The following FILIP1 variants were observed in gnomAD, a reference collection of about 807,000 sequenced individuals.
The protein encoded by FILIP1 is filamin-A-interacting protein 1.
In FILIP1, 61 loss-of-function variants were observed where a neutral mutation model predicts 102.1. The ratio of observed to expected loss-of-function variants is 0.60; its 90% CI spans 0.49 to 0.74. The LOEUF (loss-of-function observed/expected upper bound fraction) is 0.74. Ranked by LOEUF, FILIP1 falls within the 30% of genes least tolerant of loss-of-function variation. FILIP1 has a pLI of 0.00. For synonymous variants in FILIP1, 491 were observed against 526.9 expected, an observed-to-expected ratio of 0.93 and a Z score of 0.93; for missense variants, 1,314 against 1,441.2, an observed-to-expected ratio of 0.91 and a Z score of 1.43.
At chr6:75,384,367 A>C (rs1438004012) in intron 2 of FILIP1, among the ~76,000 whole-genome samples, 2 of 152,178 alleles carry the variant, frequency 1.3e-5, no homozygotes, top group Non-Finnish European at 2.9e-5. Context: ...AGATCTAGCT[A>C]CTTCTTCTCT....
downstream of FILIP1, among the ~76,000 whole-genome samples, chr6:75,306,467 C>T (rs2842458): frequency 0.4 from 61,374 of 151,976 alleles, 12,455 homozygotes; most frequent in East Asian, 0.55. Context: ...CACCCTCATT[C>T]GCTCAAATAC....
At chr6:75,434,723 T>C (rs1582500382) in intron 1 of FILIP1, among the ~76,000 whole-genome samples, 1 of 152,352 alleles carries the variant, frequency 6.6e-6, no homozygotes, top group Non-Finnish European at 1.5e-5. Context: ...TCCAACACTA[T>C]GTTGAATAGG....
chr6:75,407,060 A>G (rs1428097896), intron 2 of FILIP1, among the ~76,000 whole-genome samples: 1 of 152,212 alleles, frequency 6.6e-6, no homozygotes, highest in Non-Finnish European at 1.5e-5. Context: ...AGAAAGAAGC[A>G]CATATAGGAG....
chr6:75,490,030 C>T (rs576167727), intron 1 of FILIP1, among the ~76,000 whole-genome samples: 148 of 152,050 alleles, frequency 9.7e-4, no homozygotes, highest in African/African-American at 3.3e-3. Flanking sequence ...GTGGATTAAA[C>T]AAACTCTGTA....
At chr6:75,347,918 C>A (rs1341492416) in intron 4 of FILIP1, among the ~76,000 whole-genome samples, 3 of 152,178 alleles carry the variant, frequency 2.0e-5, no homozygotes, top group Non-Finnish European at 2.9e-5. Context: ...CTTTAAAAAA[C>A]TTAACTTACA....
At chr6:75,390,617 G>A (rs1164504600) in intron 2 of FILIP1, among the ~76,000 whole-genome samples, 1 of 152,084 alleles carries the variant, frequency 6.6e-6, no homozygotes, top group African/African-American at 2.4e-5. Flanking sequence ...TCACTATCAC[G>A]AGGACAGTAC....
chr6:75,455,846 C>T (rs937983393), intron 1 of FILIP1, among the ~76,000 whole-genome samples: 11 of 152,202 alleles, frequency 7.2e-5, no homozygotes, highest in Admixed American at 4.6e-4. Context: ...CTGCTGTGGG[C>T]ATAGGCAGAG....
intron 2 of FILIP1, among the ~76,000 whole-genome samples, chr6:75,372,670 A>G (rs1775574342): frequency 4.6e-5 from 3 of 65,350 alleles, no homozygotes; most frequent in Non-Finnish European, 8.8e-5. Flanking sequence ...AGAAAGAAAG[A>G]AAGAAAGAAA....
intron 4 of FILIP1, among the ~76,000 whole-genome samples, chr6:75,345,456 G>A (rs909328740): frequency 2.0e-5 from 3 of 151,878 alleles, no homozygotes; most frequent in East Asian, 1.9e-4. Context: ...AGATGTGCCC[G>A]TAGGAATATA....
At chr6:75,309,021 G>A (rs775097725) in intron 5 of FILIP1, 124 bp from the exon 6 acceptor site, 8 of 976,454 alleles carry the variant, frequency 8.2e-6, no homozygotes, top group Non-Finnish European at 1.0e-5. Context: ...CCCTTCCCCA[G>A]ATAAAATAAT....
chr6:75,305,174 C>T (rs966153623), downstream of FILIP1, among the ~76,000 whole-genome samples: 4 of 152,148 alleles, frequency 2.6e-5, no homozygotes, highest in Non-Finnish European at 5.9e-5. Flanking sequence ...CTTCCTGTTT[C>T]CTGGGAAATC....
At chr6:75,395,140 A>T (rs976622011) in intron 2 of FILIP1, among the ~76,000 whole-genome samples, 2 of 152,184 alleles carry the variant, frequency 1.3e-5, no homozygotes, top group South Asian at 2.1e-4. Context: ...TTTCAGTACA[A>T]TATATATATA....
At chr6:75,447,882 G>A (rs537758607) in intron 1 of FILIP1, among the ~76,000 whole-genome samples, 2 of 152,136 alleles carry the variant, frequency 1.3e-5, no homozygotes, top group East Asian at 1.9e-4. Context: ...ATTCTTTGAA[G>A]ATTGAGCCCT....
chr6:75,358,871 C>A (rs774210227), intron 3 of FILIP1, among the ~76,000 whole-genome samples: 9 of 151,494 alleles, frequency 5.9e-5, no homozygotes, highest in Non-Finnish European at 1.2e-4. Context: ...CACAGGCGCG[C>A]ACCACCACTC....
chr6:75,399,683 G>A (rs774639044), intron 2 of FILIP1, among the ~76,000 whole-genome samples: 9 of 152,064 alleles, frequency 5.9e-5, no homozygotes, highest in Non-Finnish European at 1.2e-4. Context: ...AACCCTCTGG[G>A]CTTCCGTTCA....
chr6:75,470,587 G>T (rs1035552706), intron 1 of FILIP1, among the ~76,000 whole-genome samples: 2 of 152,150 alleles, frequency 1.3e-5, no homozygotes, highest in African/African-American at 4.8e-5. Context: ...ATGTATGCCT[G>T]TATCTATAGA....
At position 75,420,907 on chromosome 6, in the gene FILIP1, C is replaced by T. The variant is rs145251154; in HGVS notation, c.-6-5929G>A. Reference sequence around the variant, plus strand: ...ATACCAATTGATAGACACCATTTGACGGTTTGAATTTATAACATTTTACAT... The same window carrying T: ...ATACCAATTGATAGACACCATTTGATGGTTTGAATTTATAACATTTTACAT... On this transcript the variant is annotated intron_variant, in intron 1 of 5. Transcript: ENST00000237172. Among the ~76,000 whole-genome samples, 205 of 152,120 alleles carry T rather than the reference C, an allele frequency of 1.3e-3. 1 individual carries two copies. The highest frequency in any genetic ancestry group is 4.7e-3 in the African/African-American group (195 of 41,522).
intron 1 of FILIP1, among the ~76,000 whole-genome samples, chr6:75,436,978 G>A (rs1238930011): frequency 6.6e-6 from 1 of 152,146 alleles, no homozygotes; most frequent in Non-Finnish European, 1.5e-5. Flanking sequence ...GCAAGCCAGT[G>A]CCAGCTGGCT....
intron 4 of FILIP1, among the ~76,000 whole-genome samples, chr6:75,326,957 T>C (rs1773885754): frequency 6.6e-6 from 1 of 152,178 alleles, no homozygotes; most frequent in South Asian, 2.1e-4. Flanking sequence ...CAATTATTAA[T>C]TAAATAGGTC....
Sources: allele counts gnomAD v4.1 joint callset (sites outside exome capture counted in the v4.1 genomes callset), GRCh38; gene constraint gnomAD v4.1.1; transcripts MANE v1.5; gene names NCBI Gene and HGNC (gene_info 2026-07-23, HGNC 2026-07-21).